NR3C1: variants seen among roughly 807,000 people sequenced by gnomAD.
NR3C1 encodes nuclear receptor subfamily 3 group C member 1, also known as glucocorticoid receptor.
In NR3C1, 14 loss-of-function variants were observed where a neutral mutation model predicts 74.0. That is an observed-to-expected ratio of 0.19 (90% CI 0.12 to 0.30). The LOEUF is 0.30. NR3C1 is among the 10% of genes least tolerant of loss of function. The pLI, the probability that NR3C1 is intolerant of heterozygous loss-of-function variation, is 1.00. For synonymous variants in NR3C1, 308 were observed against 332.5 expected (o/e 0.93, Z 0.80); for missense variants, 695 against 909.8 (o/e 0.76, Z 3.04).
At chr5:143,349,820 C>T (rs893017558) in intron 2 of NR3C1, among the ~76,000 whole-genome samples, 9 of 152,098 alleles carry the variant, frequency 5.9e-5, no homozygotes, top group Admixed American at 3.9e-4. Flanking sequence ...GACGAGTACA[C>T]AGTAGTTGTA....
At chr5:143,398,356 GTTTTTT>G (rs35241746) in intron 2 of NR3C1, among the ~76,000 whole-genome samples, 2 of 85,342 alleles carry the variant, frequency 2.3e-5, no homozygotes, top group Non-Finnish European at 5.5e-5. Flanking sequence ...AGGTTTTTTG[GTTTTTT>G]TTTTTTTTTT....
chr5:143,355,090 T>G (rs574443295), intron 2 of NR3C1, among the ~76,000 whole-genome samples: 1 of 152,102 alleles, frequency 6.6e-6, no homozygotes, highest in African/African-American at 2.4e-5. Context: ...TCGCTTAATA[T>G]AGGGTTGCCA....
At chr5:143,354,970 G>GT (rs1237375553) in intron 2 of NR3C1, among the ~76,000 whole-genome samples, 1 of 150,048 alleles carries the variant, frequency 6.7e-6, no homozygotes, top group Non-Finnish European at 1.5e-5. Context: ...ATCACTGGTC[G>GT]TAACAGATAC....
At chr5:143,383,581 G>A (rs1012826243) in intron 2 of NR3C1, among the ~76,000 whole-genome samples, 3 of 152,310 alleles carry the variant, frequency 2.0e-5, no homozygotes, top group African/African-American at 7.2e-5. Flanking sequence ...GATGAGGTGG[G>A]GGGCTATGGC....
intron 2 of NR3C1, among the ~76,000 whole-genome samples, chr5:143,381,075 C>G (rs762799975): frequency 2.0e-5 from 3 of 152,018 alleles, no homozygotes; most frequent in Non-Finnish European, 4.4e-5. Context: ...AATATTAGAA[C>G]AGATAAATTC....
chr5:143,292,170 C>A (rs1308601357), intron 7 of NR3C1, among the ~76,000 whole-genome samples: 1 of 152,022 alleles, frequency 6.6e-6, no homozygotes, highest in Non-Finnish European at 1.5e-5. Context: ...CTCTAGTTTC[C>A]TTGTTTTTAT....
chr5:143,288,652 G>A (rs1815134637), intron 7 of NR3C1, among the ~76,000 whole-genome samples: 1 of 151,558 alleles, frequency 6.6e-6, no homozygotes, highest in Non-Finnish European at 1.5e-5. Context: ...TTTCTATTTT[G>A]TGTAGTGACA....
intron 1 of NR3C1, among the ~76,000 whole-genome samples, chr5:143,411,110 A>G (rs961341434): frequency 2.0e-5 from 3 of 152,236 alleles, no homozygotes; most frequent in African/African-American, 7.2e-5. Context: ...GTATAAGAAC[A>G]TACCATACGA....
chr5:143,349,565 A>G (rs1000387979), intron 2 of NR3C1, among the ~76,000 whole-genome samples: 23 of 152,136 alleles, frequency 1.5e-4, no homozygotes, highest in Non-Finnish European at 3.1e-4. Flanking sequence ...TAGTGGTTTA[A>G]AACACAGTAT....
chr5:143,410,572 C>A (rs1841257708), intron 1 of NR3C1, among the ~76,000 whole-genome samples: 2 of 152,128 alleles, frequency 1.3e-5, no homozygotes, highest in East Asian at 1.9e-4. Flanking sequence ...CATTTACTTA[C>A]TTGAATGAGC....
chr5:143,374,496 A>AG (rs1834808968), intron 2 of NR3C1, among the ~76,000 whole-genome samples: 2 of 152,006 alleles, frequency 1.3e-5, no homozygotes, highest in Non-Finnish European at 2.9e-5. Flanking sequence ...GTCTCAAAAA[A>AG]AAAAAAAACA....
At position 143,300,378 on chromosome 5, in the gene NR3C1, G is replaced by C; in HGVS notation, c.1747+107C>G. 1 of 1,385,350 alleles carries C rather than the reference G, an allele frequency of 7.2e-7. No individual in the cohort carries two copies. Among genetic ancestry groups the C allele is most frequent in the Non-Finnish European group, 1.0e-6 (1 of 979,162 alleles). The allele number at this position is 1,385,350 out of a possible 1,614,324, so 85.8% of individuals were successfully genotyped here. On this transcript the variant is annotated intron_variant, in intron 5 of 8. Coordinates refer to ENST00000394464, the MANE Select transcript of NR3C1 (RefSeq NM_000176.3). This position sits in a 1 kb window ranked among gnomAD's most constrained non-coding sequence, Gnocchi z 5.2. ...TCCCCTTCATAGTCCCCAGAACTAA[G>C]AGAAACAAGATAAGCCATGGGCTCA...
chr5:143,403,076 G>GC, intron 1 of NR3C1, 135 bp downstream of exon 1: 1 of 860,760 alleles, frequency 1.2e-6, no homozygotes, highest in Non-Finnish European at 1.4e-6. Context: ...CCCGGCCCTT[G>GC]CCAGCCCCCC....
rs144480363 is a variant in NR3C1 at position 143,333,963 on chromosome 5, C to T, written c.1185-19795G>A. ...TGTCATACTCTTAGGTGACAAACTG[C>T]GGTAAATTTTTTATCAGTGAAGTGG... On this transcript the variant is annotated intron_variant, in intron 2 of 8. Coordinates refer to ENST00000394464, the MANE Select transcript of NR3C1 (RefSeq NM_000176.3). Among the ~76,000 whole-genome samples, 536 of 152,278 alleles carry T rather than the reference C, an allele frequency of 3.5e-3. 11 individuals carry two copies. The highest frequency in any genetic ancestry group is 0.028 in the East Asian group (147 of 5,184).
chr5:143,279,613 C>A lies in NR3C1; in HGVS notation c.*2276G>T. 1 of 464,186 alleles carries A rather than the reference C, an allele frequency of 2.2e-6. No individual in the cohort carries two copies. Among genetic ancestry groups the A allele is most frequent in the Non-Finnish European group, 3.6e-6 (1 of 274,786 alleles). 28.8% of individuals were successfully genotyped at this position (464,186 alleles called of 1,614,324 possible). On this transcript the variant is annotated 3_prime_UTR_variant, in exon 9 of 9. Transcript: ENST00000394464. ...TTTATTAAATAATTTCTCCAAAATA[C>A]TGAAAATAACAAATAACATTCAAAA...
At chr5:143,401,933 C>T (rs1206874481) in intron 1 of NR3C1, among the ~76,000 whole-genome samples, 1 of 152,154 alleles carries the variant, frequency 6.6e-6, no homozygotes, top group East Asian at 1.9e-4. Flanking sequence ...GTTAGTATAT[C>T]GTTAATCAGG....
chr5:143,280,162 A>G lies in NR3C1; in HGVS notation c.*1727T>C, dbSNP rs1812880477. On this transcript the variant is annotated 3_prime_UTR_variant, in exon 9 of 9. Coordinates refer to ENST00000394464, the MANE Select transcript of NR3C1 (RefSeq NM_000176.3). ...GTACAAACTATAAATCATATAGGTT[A>G]TCCATCAGCATTTCTTTGACCCCTA... 1 of 152,648 alleles carries G rather than the reference A, an allele frequency of 6.6e-6. No individual in the cohort carries two copies. Among genetic ancestry groups the G allele is most frequent in the African/African-American group, 2.4e-5 (1 of 41,466 alleles). The allele number at this position is 152,648 out of a possible 1,614,324, so 9.5% of individuals were successfully genotyped here.
chr5:143,336,226 G>C (rs1827094523), intron 2 of NR3C1, among the ~76,000 whole-genome samples: 1 of 152,138 alleles, frequency 6.6e-6, no homozygotes, highest in African/African-American at 2.4e-5. Flanking sequence ...AATTCCTTTA[G>C]CCATATCTCT....
At chr5:143,402,951 C>T (rs539870624) in intron 1 of NR3C1, 3 of 748,838 alleles carry the variant, frequency 4.0e-6, no homozygotes, top group African/African-American at 3.8e-5. Context: ...TTCGACAGGG[C>T]TCCGCTCGCC....
Sources: allele counts gnomAD v4.1 joint callset (sites outside exome capture counted in the v4.1 genomes callset), GRCh38; gene constraint gnomAD v4.1.1; non-coding constraint Gnocchi (gnomAD v3.1); transcripts MANE v1.5; gene names NCBI Gene and HGNC (gene_info 2026-07-23, HGNC 2026-07-21).